ARHGEF17: variants seen among roughly 807,000 people sequenced by gnomAD.
The protein encoded by ARHGEF17 is 164 kDa Rho-specific guanine-nucleotide exchange factor.
Under a neutral mutation model 174.0 loss-of-function variants are expected in ARHGEF17, and 80 were observed. The ratio of observed to expected loss-of-function variants is 0.46; its 90% CI spans 0.38 to 0.55. The LOEUF is 0.55. Among genes scored for constraint, ARHGEF17 ranks in the 20% least tolerant of loss-of-function variants. The probability of loss-of-function intolerance (pLI) is 0.00; values close to 1 mark genes in which losing one functional copy is unlikely to be tolerated. For synonymous variants in ARHGEF17, 1,311 were observed against 1,189.1 expected (o/e 1.10, Z -2.11); for missense variants, 2,886 against 2,839.7 (o/e 1.02, Z -0.37).
At chr11:73,312,665 G>C (rs910919835) in intron 1 of ARHGEF17, among the ~76,000 whole-genome samples, 1 of 152,070 alleles carries the variant, frequency 6.6e-6, no homozygotes, top group African/African-American at 2.4e-5. Flanking sequence ...TGGGCAGCCA[G>C]GGCCCTTTAG....
chr11:73,352,975 A>T lies in ARHGEF17; in HGVS notation c.3416A>T (p.His1139Leu). The T allele has an allele frequency of 1.2e-6, 2 of 1,614,064 alleles. No homozygotes were observed. Among genetic ancestry groups the T allele is most frequent in the Non-Finnish European group, 1.7e-6 (2 of 1,180,034 alleles). The change falls in exon 3 of 21, where the codon CAT becomes CTT. Residue 1139 changes from histidine (H) to leucine (L), a missense_variant. This residue lies in a region of ARHGEF17 where 353 missense variants were observed against 470.3 expected (regional missense o/e 0.75). Coordinates refer to ENST00000263674, the MANE Select transcript of ARHGEF17 (RefSeq NM_014786.4). ...EQVRHCMQTW[H>L]AQQKVGALLV... ...GTTCGGCACTGCATGCAGACCTGGC[A>T]TGCCCAGCAGAAGGTGGGAGCCCTG...
At chr11:73,317,442 T>G (rs1285654361) in intron 1 of ARHGEF17, among the ~76,000 whole-genome samples, 1 of 152,170 alleles carries the variant, frequency 6.6e-6, no homozygotes, top group Non-Finnish European at 1.5e-5. Context: ...GGGATTTGGC[T>G]CCCAGTGTCC....
chr11:73,329,268 C>T (rs908696823), intron 1 of ARHGEF17, among the ~76,000 whole-genome samples: 3 of 134,626 alleles, frequency 2.2e-5, no homozygotes, highest in Non-Finnish European at 3.1e-5. Context: ...GCCCCTTGCT[C>T]GTTACACTTA....
chr11:73,356,934 T>G, intron 7 of ARHGEF17, 91 bp from the exon 8 acceptor site: 1 of 1,497,642 alleles, frequency 6.7e-7, no homozygotes, highest in Non-Finnish European at 9.2e-7. Flanking sequence ...TCACTCTCCC[T>G]GGGTCTCAGT....
In ARHGEF17 at chr11:73,363,306, T is replaced by C. The variant is rs756317338; in HGVS notation, c.5097T>C (p.Pro1699=). ...GFLPLSGSFG[P]GGPCGTSPMD... is the part of the protein sequence containing the mutation. ...TGCCACTGTCTGGCTCCTTTGGGCC[T>C]GGTGGTCCCTGCGGCACCAGCCCAA... The change falls in exon 15 of 21, where the codon CCT becomes CCC. Residue 1699 remains proline, a synonymous_variant. Transcript: ENST00000263674. 8.7e-6 allele frequency: 14 copies of C among 1,612,462 alleles called. No homozygotes were observed. In the Admixed American group the frequency reaches 1.3e-4, roughly 15 times the overall value.
At chr11:73,351,322 C>G (rs543660320) in intron 2 of ARHGEF17, among the ~76,000 whole-genome samples, 8 of 136,378 alleles carry the variant, frequency 5.9e-5, no homozygotes, top group Non-Finnish European at 1.2e-4. Flanking sequence ...AAACAACACC[C>G]TCCTGTTTTT....
At chr11:73,359,746 C>T (rs1481627470) in intron 9 of ARHGEF17, 88 bp from the exon 10 acceptor site, 1 of 1,126,770 alleles carries the variant, frequency 8.9e-7, no homozygotes, top group African/African-American at 1.6e-5. Context: ...GGCCCAGCTG[C>T]AGGCTATGCA....
At position 73,341,015 on chromosome 11, in the gene ARHGEF17, G is replaced by A. The variant is rs573899892; in HGVS notation, c.3193-5868G>A. On this transcript the variant is annotated intron_variant, in intron 1 of 20. Coordinates refer to ENST00000263674, the MANE Select transcript of ARHGEF17 (RefSeq NM_014786.4). ...CTGCTGGGCATGTGGGGAGAAGGGA[G>A]GAGGAAGAGCTATTGGGGGCTTGTT... is the stretch of plus-strand genomic sequence containing the variant. 2.6e-5 allele frequency among the ~76,000 whole-genome samples: 4 copies of A among 152,332 alleles called. No individual in the cohort carries two copies. In the East Asian group the frequency reaches 7.7e-4, roughly 29 times the overall value.
At position 73,309,953 on chromosome 11, in the gene ARHGEF17, C is replaced by T; in HGVS notation, c.1315C>T (p.Pro439Ser). The change falls in exon 1 of 21, where the codon CCT (proline) becomes TCT (serine). Residue 439 changes from proline to serine, a missense_variant. Physicochemically the swap from Pro to Ser is moderately conservative, Grantham distance 74 (BLOSUM62 -1). This residue lies in a region of ARHGEF17 where 1,728 missense variants were observed against 1,461.2 expected (regional missense o/e 1.18). Transcript: ENST00000263674. ...RSQARTRAKGPGGTSRALRDG... is the reference protein window; with the variant it reads ...RSQARTRAKGSGGTSRALRDG... Reference sequence around the variant, plus strand: ...CCAGGCTCGAACCCGTGCCAAAGGACCTGGAGGCACCTCTAGGGCATTGAG... The same window carrying T: ...CCAGGCTCGAACCCGTGCCAAAGGATCTGGAGGCACCTCTAGGGCATTGAG... The T allele has an allele frequency of 1.2e-6, 2 of 1,613,854 alleles. No homozygotes were observed. The highest frequency in any genetic ancestry group is 1.6e-4 in the Middle Eastern group (1 of 6,062).
At position 73,355,564 on chromosome 11, in the gene ARHGEF17, C is replaced by T; in HGVS notation, c.3485C>T (p.Ser1162Phe). ...AAGGATGTCCTAGTAAACATCTATT[C>T]TGCCTATATCGATAACTTCCTCAAT... The part of the protein sequence containing the change: ...FSKDVLVNIY[S>F]AYIDNFLNAK... Residue 1162 changes from serine (S) to phenylalanine (F), a missense_variant, in exon 4 of 21, where the codon TCT becomes TTT. Coordinates refer to ENST00000263674, the MANE Select transcript of ARHGEF17 (RefSeq NM_014786.4). The T allele has an allele frequency of 6.2e-7, 1 of 1,614,182 alleles. No individual in the cohort carries two copies. The highest frequency in any genetic ancestry group is 8.5e-7 in the Non-Finnish European group (1 of 1,179,990).
At chr11:73,340,994 T>C (rs772870635) in intron 1 of ARHGEF17, among the ~76,000 whole-genome samples, 5 of 152,178 alleles carry the variant, frequency 3.3e-5, no homozygotes, top group Non-Finnish European at 7.3e-5. Flanking sequence ...CAGTAACTGC[T>C]GGGCATGTGG....
intron 1 of ARHGEF17, among the ~76,000 whole-genome samples, chr11:73,332,115 T>C (rs1437921120): frequency 6.6e-6 from 1 of 152,150 alleles, no homozygotes; most frequent in African/African-American, 2.4e-5. Flanking sequence ...GAGATTCTGG[T>C]TATTCATAAC....
In ARHGEF17 at chr11:73,365,590, C is replaced by T. The variant is rs200615011; in HGVS notation, c.5725+26C>T. On this transcript the variant is annotated intron_variant, in intron 19 of 20. Coordinates refer to ENST00000263674, the MANE Select transcript of ARHGEF17 (RefSeq NM_014786.4). This position sits in a 1 kb window ranked among gnomAD's most constrained non-coding sequence, Gnocchi z 4.9. Reference sequence around the variant, plus strand: ...GTACTGACCTCAAACTACCACAGCACCCTCCTTGGAGCCTTTCTGCCCGAT... The same window carrying T: ...GTACTGACCTCAAACTACCACAGCATCCTCCTTGGAGCCTTTCTGCCCGAT... 233 of 1,612,692 alleles carry T rather than the reference C, an allele frequency of 1.4e-4. No homozygotes were observed. The African/African-American group carries it at 2.8e-3, about 20-fold the overall frequency.
At chr11:73,360,055 C>A in intron 10 of ARHGEF17, 103 bp downstream of exon 10, 3 of 1,216,992 alleles carry the variant, frequency 2.5e-6, no homozygotes, top group Non-Finnish European at 3.4e-6. Flanking sequence ...AAGAGACATC[C>A]CTTTCCCTCA....
Position 73,308,891 on chromosome 11 carries a change from C to G in ARHGEF17, c.253C>G (p.Leu85Val). The G allele has an allele frequency of 2.2e-6, 3 of 1,364,552 alleles. No homozygotes were observed. The highest frequency in any genetic ancestry group is 7.6e-5 in the Admixed American group (2 of 26,398). 84.5% of individuals were successfully genotyped at this position (1,364,552 alleles called of 1,614,324 possible). A position where few individuals can be genotyped will look rare whatever the true frequency, so the allele number is the denominator to read the frequency against. The change falls in exon 1 of 21, where the codon CTC becomes GTC. Residue 85 changes from leucine to valine, a missense_variant. Transcript: ENST00000263674. ...LRSLSPSVRQLSRRFDAPRLD... is the reference protein window; with the variant it reads ...LRSLSPSVRQVSRRFDAPRLD... ...CAGCCTCTCGCCGTCGGTTCGCCAG[C>G]TCTCCCGGCGCTTCGACGCGCCGCG...
At chr11:73,332,245 G>A (rs1236585247) in intron 1 of ARHGEF17, among the ~76,000 whole-genome samples, 3 of 152,148 alleles carry the variant, frequency 2.0e-5, no homozygotes, top group Non-Finnish European at 2.9e-5. Flanking sequence ...AGGTCGGGAA[G>A]CCATCAGTGG....
chr11:73,347,789 T>C (rs1865489560), intron 2 of ARHGEF17, among the ~76,000 whole-genome samples: 1 of 151,466 alleles, frequency 6.6e-6, no homozygotes, highest in Admixed American at 6.6e-5. Flanking sequence ...GCTGGGAAGG[T>C]GGGTGGCAGA....
chr11:73,316,377 C>T (rs1864929704), intron 1 of ARHGEF17, among the ~76,000 whole-genome samples: 1 of 151,464 alleles, frequency 6.6e-6, no homozygotes, highest in South Asian at 2.1e-4. Flanking sequence ...GTGGAGCTTC[C>T]AGACTAGGGA....
chr11:73,340,034 A>T (rs1247925159), intron 1 of ARHGEF17, among the ~76,000 whole-genome samples: 1 of 152,132 alleles, frequency 6.6e-6, no homozygotes, highest in Non-Finnish European at 1.5e-5. Context: ...ACAATAGCAG[A>T]ACCAACCTGC....
Sources: allele counts gnomAD v4.1 joint callset (sites outside exome capture counted in the v4.1 genomes callset), GRCh38; gene constraint gnomAD v4.1.1; regional missense constraint gnomAD v4.1.1; non-coding constraint Gnocchi (gnomAD v3.1); transcripts MANE v1.5; gene names NCBI Gene and HGNC (gene_info 2026-07-23, HGNC 2026-07-21).